AGFG2: variants seen among roughly 807,000 people sequenced by gnomAD.
AGFG2 encodes the protein arf-GAP domain and FG repeat-containing protein 2.
In AGFG2, 31 loss-of-function variants were observed where a neutral mutation model predicts 48.0. That is an observed-to-expected ratio of 0.65 (90% CI 0.49 to 0.87). The LOEUF (loss-of-function observed/expected upper bound fraction) is 0.87, where lower values mean the gene tolerates loss of function less well. Among genes scored for constraint, AGFG2 ranks in the 40% least tolerant of loss-of-function variants. The probability of loss-of-function intolerance (pLI) is 0.00; values close to 1 mark genes in which losing one functional copy is unlikely to be tolerated. For synonymous variants in AGFG2, 229 were observed against 260.8 expected (o/e 0.88, Z 1.18); for missense variants, 599 against 632.6 (o/e 0.95, Z 0.57).
intron 3 of AGFG2, among the ~76,000 whole-genome samples, chr7:100,552,659 T>G (rs1800670940): frequency 6.6e-6 from 1 of 151,850 alleles, no homozygotes; most frequent in Non-Finnish European, 1.5e-5. Context: ...CACTGTGGAG[T>G]CCCTCCTAGG....
At chr7:100,553,566 A>G in intron 4 of AGFG2, 66 bp downstream of exon 4, 2 of 1,539,988 alleles carry the variant, frequency 1.3e-6, no homozygotes, top group Non-Finnish European at 1.8e-6. Flanking sequence ...CAGTTTCCTG[A>G]ATCAGATTCC....
Position 100,564,230 on chromosome 7 carries a change from G to A in AGFG2, c.1313G>A (p.Gly438Glu). The change falls in exon 11 of 12, where the codon GGG becomes GAG. Residue 438 changes from glycine (G) to glutamate (E), a missense_variant. Physicochemically the swap from Gly to Glu is moderately conservative, Grantham distance 98. Coordinates refer to ENST00000300176, the MANE Select transcript of AGFG2 (RefSeq NM_006076.5). ...TCTCGCCCCCTAGGCTCTTCCTTCG[G>A]GGACTTAGGATCAGCCAAGTTGGGG... The part of the protein sequence containing the change: ...LVQQQNGSSF[G>E]DLGSAKLGQR... The A allele has an allele frequency of 6.2e-7, 1 of 1,612,690 alleles. No individual in the cohort carries two copies. The highest frequency in any genetic ancestry group is 8.5e-7 in the Non-Finnish European group (1 of 1,179,422).
intron 1 of AGFG2, among the ~76,000 whole-genome samples, chr7:100,541,482 T>C (rs1224913379): frequency 6.6e-6 from 1 of 150,914 alleles, no homozygotes; most frequent in Non-Finnish European, 1.5e-5. Flanking sequence ...CGTTTAGGAG[T>C]ATGTATAGGG....
intron 5 of AGFG2, among the ~76,000 whole-genome samples, chr7:100,554,778 G>GA (rs537501185): frequency 9.5e-5 from 14 of 147,764 alleles, no homozygotes; most frequent in Admixed American, 2.7e-4. Context: ...CTACTAAAAA[G>GA]AAAAAAAAAA....
rs750975188 is a variant in AGFG2, at chr7:100,562,927, G to A, written c.1152G>A (p.Gln384=). The A allele has an allele frequency of 5.6e-6, 9 of 1,613,852 alleles. No homozygotes were observed. In the South Asian group the frequency reaches 9.9e-5, roughly 18 times the overall value. The part of the protein sequence containing the change: ...QSPLPSTNPF[Q]PNGLAPGPGF... ...CGCTGCCTTCCACCAACCCGTTCCA[G>A]CCCAATGGCTTGGCGCCAGGTAAGC... The change falls in exon 9 of 12, where the codon CAG becomes CAA. Residue 384 remains glutamine, a synonymous_variant. Transcript: ENST00000300176. The surrounding 1 kb of genome is among the most constrained non-coding windows in gnomAD (Gnocchi z 5.4).
At chr7:100,554,674 AC>A (rs992722051) in intron 5 of AGFG2, among the ~76,000 whole-genome samples, 2 of 151,938 alleles carry the variant, frequency 1.3e-5, no homozygotes, top group African/African-American at 4.8e-5. Flanking sequence ...AGTGGCTCAC[AC>A]CTGTAATCCT....
intron 1 of AGFG2, 76 bp from the exon 2 acceptor site, chr7:100,548,746 C>A: frequency 8.9e-7 from 1 of 1,122,744 alleles, no homozygotes; most frequent in Non-Finnish European, 1.4e-6. Flanking sequence ...CTTTCTCCCT[C>A]CTCCTCCTCC....
At chr7:100,540,557 G>A (rs1464843480) in intron 1 of AGFG2, among the ~76,000 whole-genome samples, 1 of 152,030 alleles carries the variant, frequency 6.6e-6, no homozygotes, top group African/African-American at 2.4e-5. Flanking sequence ...ACTCCCCTCT[G>A]CACTCCTCCT....
At chr7:100,552,470 C>G (rs1364767961) in intron 3 of AGFG2, among the ~76,000 whole-genome samples, 21 of 152,178 alleles carry the variant, frequency 1.4e-4, no homozygotes, top group Admixed American at 1.4e-3. Flanking sequence ...CCTGAGGATA[C>G]CATGGGACAA....
chr7:100,558,529 TTTTG>T (rs1800802073), intron 6 of AGFG2, among the ~76,000 whole-genome samples: 7 of 150,538 alleles, frequency 4.6e-5, no homozygotes, highest in Admixed American at 4.0e-4. Context: ...ACAGAGTTTT[TTTTG>T]TTTTTGTTTT....
intron 3 of AGFG2, among the ~76,000 whole-genome samples, chr7:100,551,273 G>A (rs1312642701): frequency 6.6e-6 from 1 of 150,862 alleles, no homozygotes; most frequent in East Asian, 2.0e-4. Flanking sequence ...GTTTCACCGT[G>A]TTAGCCAGGA....
intron 1 of AGFG2, among the ~76,000 whole-genome samples, chr7:100,541,262 C>T (rs1396269070): frequency 2.0e-5 from 3 of 152,192 alleles, no homozygotes; most frequent in Non-Finnish European, 2.9e-5. Flanking sequence ...TTTTAACCTC[C>T]TTTGCTAAAC....
In AGFG2 at chr7:100,550,412, G is replaced by C; in HGVS notation, c.332G>C (p.Trp111Ser). 1 of 1,613,238 alleles carries C rather than the reference G, an allele frequency of 6.2e-7. No homozygotes were observed. The highest frequency in any genetic ancestry group is 8.5e-7 in the Non-Finnish European group (1 of 1,179,614). Residue 111 changes from tryptophan (W) to serine (S), a missense_variant, in exon 3 of 12, where the codon TGG becomes TCG. By Grantham distance (177) the Trp-to-Ser change is radical (BLOSUM62 -3). Coordinates refer to ENST00000300176, the MANE Select transcript of AGFG2 (RefSeq NM_006076.5). ...SRGNEVCRKI[W>S]LGLFDARTSL... ...TTCTTTTAGGTTTGCCGGAAGATTT[G>C]GTTGGGTCTGTTTGATGCTCGGACA...
In AGFG2 at chr7:100,567,694, C is replaced by G. The variant is rs562442616; in HGVS notation, c.*2703C>G. ...CGCTGGAACAGCCTAGTCTCCTCCC[C>G]GTGGATTCCCCCAAACCCATAACAT... On this transcript the variant is annotated 3_prime_UTR_variant, in exon 12 of 12. Transcript: ENST00000300176. 1.3e-5 allele frequency: 2 copies of G among 152,328 alleles called. No homozygotes were observed. Among genetic ancestry groups the G allele is most frequent in the Non-Finnish European group, 2.9e-5 (2 of 68,126 alleles). The allele number at this position is 152,328 out of a possible 1,614,324, so 9.4% of individuals were successfully genotyped here. A position where few individuals can be genotyped will look rare whatever the true frequency, so the allele number is the denominator to read the frequency against.
In AGFG2 at chr7:100,554,909, G is replaced by A. The variant is rs1800725519; in HGVS notation, c.751+651G>A. The stretch of plus-strand genomic sequence containing the variant: ...ATCACAATTGCATCACTGGACTCCA[G>A]CCTAGGTGACAGAGTGAGACTCCGT... On this transcript the variant is annotated intron_variant, in intron 5 of 11. Transcript: ENST00000300176. Among the ~76,000 whole-genome samples the A allele has an allele frequency of 3.0e-5, 4 of 134,932 alleles. No individual in the cohort carries two copies. The Admixed American group carries it at 3.3e-4, about 11-fold the overall frequency. The allele number at this position is 134,932 out of a possible 152,430, so 88.5% of individuals were successfully genotyped here.
At chr7:100,541,049 T>C (rs185122440) in intron 1 of AGFG2, among the ~76,000 whole-genome samples, 2 of 147,162 alleles carry the variant, frequency 1.4e-5, no homozygotes, top group African/African-American at 5.0e-5. Flanking sequence ...CCTGTCTTGA[T>C]ACCTTTAGGA....
rs1370611005 is a variant in AGFG2 at position 100,554,216 on chromosome 7, C to T, written c.709C>T (p.Pro237Ser). 3 of 1,613,878 alleles carry T rather than the reference C, an allele frequency of 1.9e-6. No homozygotes were observed. The highest frequency in any genetic ancestry group is 2.5e-6 in the Non-Finnish European group (3 of 1,179,894). ...ADIGGDPFAA[P>S]QMAPAFAAFP... ...CATCGGTGGAGACCCCTTTGCTGCACCCCAGATGGCACCAGCTTTTGCTGC... is the reference window on the plus strand; with the variant it reads ...CATCGGTGGAGACCCCTTTGCTGCATCCCAGATGGCACCAGCTTTTGCTGC... The change falls in exon 5 of 12, where the codon CCC becomes TCC. Residue 237 changes from proline (P) to serine (S), a missense_variant. Pro to Ser is a moderately conservative substitution (Grantham distance 74). Coordinates refer to ENST00000300176, the MANE Select transcript of AGFG2 (RefSeq NM_006076.5).
rs558606792 is a variant in AGFG2, at chr7:100,564,955, C to T, written c.1410C>T (p.Phe470=). ...PFMTGPSSSP[F]ASKPPTTNPF... Reference sequence around the variant, plus strand: ...AGACTGGACCCTCATCAAGCCCATTCGCCTCCAAACCTCCAACCACCAACC... The same window carrying T: ...AGACTGGACCCTCATCAAGCCCATTTGCCTCCAAACCTCCAACCACCAACC... Residue 470 remains phenylalanine (F), a synonymous_variant, in exon 12 of 12, where the codon TTC becomes TTT. Transcript: ENST00000300176. The T allele has an allele frequency of 2.2e-5, 35 of 1,614,162 alleles. No homozygotes were observed. Among genetic ancestry groups the T allele is most frequent in the Middle Eastern group, 1.6e-4 (1 of 6,062 alleles).
intron 1 of AGFG2, among the ~76,000 whole-genome samples, chr7:100,547,467 C>T (rs565236186): frequency 6.6e-6 from 1 of 152,174 alleles, no homozygotes; most frequent in Admixed American, 6.6e-5. Context: ...GACTGCTTCC[C>T]TCCTGTCCCA....
Sources: allele counts gnomAD v4.1 joint callset (sites outside exome capture counted in the v4.1 genomes callset), GRCh38; gene constraint gnomAD v4.1.1; non-coding constraint Gnocchi (gnomAD v3.1); transcripts MANE v1.5; gene names NCBI Gene and HGNC (gene_info 2026-07-23, HGNC 2026-07-21).